KCNIP4: variants seen among roughly 807,000 people sequenced by gnomAD.
KCNIP4 encodes the protein potassium voltage-gated channel interacting protein 4.
KCNIP4 carries 12 observed loss-of-function variants against 34.0 expected under a neutral mutation model. The observed-to-expected ratio is 0.35, with a 90% confidence interval of 0.23 to 0.57. The LOEUF is 0.57. Among genes scored for constraint, KCNIP4 ranks in the 20% least tolerant of loss-of-function variants. The pLI is 0.83. For missense variants in KCNIP4, 238 were observed against 311.7 expected (o/e 0.76, Z 1.78); for synonymous variants, 124 against 102.2 (o/e 1.21, Z -1.29).
intron 1 of KCNIP4, among the ~76,000 whole-genome samples, chr4:21,084,707 A>G (rs938271870): frequency 4.0e-5 from 6 of 150,980 alleles, no homozygotes; most frequent in African/African-American, 1.5e-4. Flanking sequence ...CATCCCCAGT[A>G]TTGTGGCTCC....
intron 1 of KCNIP4, among the ~76,000 whole-genome samples, chr4:21,474,622 C>T (rs998273719): frequency 2.6e-5 from 4 of 152,026 alleles, no homozygotes; most frequent in Non-Finnish European, 5.9e-5. Context: ...GAAGCTGTCC[C>T]AGGTCAGGTA....
chr4:21,625,649 T>A (rs548350597), intron 1 of KCNIP4, among the ~76,000 whole-genome samples: 1 of 152,320 alleles, frequency 6.6e-6, no homozygotes, highest in Non-Finnish European at 1.5e-5. Flanking sequence ...AAAAGCCAGG[T>A]CTGCCCTTCT....
At chr4:21,632,444 C>T (rs548692569) in intron 1 of KCNIP4, among the ~76,000 whole-genome samples, 26 of 152,222 alleles carry the variant, frequency 1.7e-4, no homozygotes, top group African/African-American at 5.8e-4. Context: ...AGGCTGTTCT[C>T]GAACTCCTGA....
chr4:21,872,337 C>T (rs1208307648), intron 1 of KCNIP4, among the ~76,000 whole-genome samples: 1 of 152,290 alleles, frequency 6.6e-6, no homozygotes, highest in Middle Eastern at 3.4e-3. Flanking sequence ...CCTACTCCAG[C>T]GCTATGAGCC....
At chr4:20,798,958 G>A (rs962681652) in intron 3 of KCNIP4, among the ~76,000 whole-genome samples, 1 of 152,170 alleles carries the variant, frequency 6.6e-6, no homozygotes, top group Admixed American at 6.5e-5. Flanking sequence ...CCTATTGCCT[G>A]TACTGCTACT....
intron 1 of KCNIP4, among the ~76,000 whole-genome samples, chr4:21,741,970 G>C (rs1716435312): frequency 6.6e-6 from 1 of 152,138 alleles, no homozygotes; most frequent in Admixed American, 6.6e-5. Flanking sequence ...CCTGGAGTCA[G>C]AGGTTGTGGT....
chr4:21,790,509 T>C (rs181725776), intron 1 of KCNIP4, among the ~76,000 whole-genome samples: 1 of 152,278 alleles, frequency 6.6e-6, no homozygotes, highest in East Asian at 1.9e-4. Context: ...ACAACTTATG[T>C]TCCACTTCTC....
chr4:21,609,368 C>T (rs1054355957), intron 1 of KCNIP4, among the ~76,000 whole-genome samples: 3 of 152,090 alleles, frequency 2.0e-5, no homozygotes, highest in Admixed American at 2.0e-4. Flanking sequence ...TACAGGTAGT[C>T]CATGCTTTCC....
chr4:21,415,638 G>C (rs1423785816), intron 1 of KCNIP4, among the ~76,000 whole-genome samples: 1 of 152,114 alleles, frequency 6.6e-6, no homozygotes, highest in Non-Finnish European at 1.5e-5. Context: ...GGAGACAGAG[G>C]TTGTAGTGAG....
At chr4:21,284,618 C>G (rs1361820542) in intron 1 of KCNIP4, among the ~76,000 whole-genome samples, 1 of 152,136 alleles carries the variant, frequency 6.6e-6, no homozygotes, top group Non-Finnish European at 1.5e-5. Context: ...AAGTTTTGCT[C>G]TAGTCTGATC....
At chr4:21,306,357 C>G (rs1259379543) in intron 1 of KCNIP4, among the ~76,000 whole-genome samples, 1 of 152,168 alleles carries the variant, frequency 6.6e-6, no homozygotes, top group Non-Finnish European at 1.5e-5. Flanking sequence ...AAAATGATCC[C>G]CCACACTGTT....
chr4:21,112,062 T>TATCTA (rs1409313973), intron 1 of KCNIP4, among the ~76,000 whole-genome samples: 1 of 151,620 alleles, frequency 6.6e-6, no homozygotes, highest in Non-Finnish European at 1.5e-5. Context: ...TCTATCTATC[T>TATCTA]ATCTATCTAT....
chr4:21,127,628 C>G (rs901005327), intron 1 of KCNIP4, among the ~76,000 whole-genome samples: 1 of 152,112 alleles, frequency 6.6e-6, no homozygotes, highest in African/African-American at 2.4e-5. Flanking sequence ...AAACTTAGAA[C>G]CTAGCCCATA....
At chr4:21,261,269 G>A (rs367689173) in intron 1 of KCNIP4, among the ~76,000 whole-genome samples, 30 of 152,232 alleles carry the variant, frequency 2.0e-4, no homozygotes, top group African/African-American at 6.5e-4. Context: ...ATATCATTGC[G>A]TAAAAAAGAT....
intron 1 of KCNIP4, among the ~76,000 whole-genome samples, chr4:21,433,392 A>G (rs979360268): frequency 6.6e-6 from 1 of 152,150 alleles, no homozygotes; most frequent in Non-Finnish European, 1.5e-5. Flanking sequence ...ACTTGAGACC[A>G]GGAGTTCGAG....
rs939238600 is a variant in KCNIP4 at position 21,714,785 on chromosome 4, G to GACTATTTTATTTTATTTTATTTT, written c.61+233785_61+233786insAAAATAAAATAAAATAAAATAGT. 1.6e-4 allele frequency among the ~76,000 whole-genome samples: 7 copies of GACTATTTTATTTTATTTTATTTT among 43,372 alleles called. 3 individuals are homozygous for GACTATTTTATTTTATTTTATTTT. Among genetic ancestry groups the GACTATTTTATTTTATTTTATTTT allele is most frequent in the Admixed American group, 1.0e-3 (3 of 2,860 alleles). 28.5% of individuals were successfully genotyped at this position (43,372 alleles called of 152,430 possible). ...AAGAATGTGTTAGTAATTTCCCTTT[G>GACTATTTTATTTTATTTTATTTT]ATTATTTTATTTTATTTTATTTTAT... On this transcript the variant is annotated intron_variant, in intron 1 of 8. Coordinates refer to ENST00000382152, the MANE Select transcript of KCNIP4 (RefSeq NM_025221.6).
At chr4:21,504,515 G>GGAAT (rs1438412431) in intron 1 of KCNIP4, among the ~76,000 whole-genome samples, 1 of 141,652 alleles carries the variant, frequency 7.1e-6, no homozygotes, top group East Asian at 2.2e-4. Context: ...AAGGAAGGAA[G>GGAAT]GAAGAAAGCA....
At chr4:21,779,907 A>T (rs554096881) in intron 1 of KCNIP4, among the ~76,000 whole-genome samples, 17 of 148,842 alleles carry the variant, frequency 1.1e-4, no homozygotes, top group African/African-American at 4.2e-4. Context: ...CTCTAGCCTA[A>T]GCAATAGAGT....
At chr4:21,584,268 T>C (rs896530396) in intron 1 of KCNIP4, among the ~76,000 whole-genome samples, 7 of 152,082 alleles carry the variant, frequency 4.6e-5, no homozygotes, top group African/African-American at 1.7e-4. Flanking sequence ...ATCTCAGACC[T>C]AAAAGTTTTG....
Sources: allele counts gnomAD v4.1 joint callset (sites outside exome capture counted in the v4.1 genomes callset), GRCh38; gene constraint gnomAD v4.1.1; transcripts MANE v1.5; gene names NCBI Gene and HGNC (gene_info 2026-07-23, HGNC 2026-07-21).